The following SAMD4A variants were observed in gnomAD, a reference collection of about 807,000 sequenced individuals.
SAMD4A encodes protein Smaug homolog 1.
Under a neutral mutation model 81.3 loss-of-function variants are expected in SAMD4A, and 33 were observed. That is an observed-to-expected ratio of 0.41 (90% CI 0.31 to 0.54). The LOEUF is 0.54. SAMD4A is among the 20% of genes least tolerant of loss of function. SAMD4A has a pLI of 0.37. For synonymous variants in SAMD4A, 389 were observed against 382.1 expected (o/e 1.02, Z -0.21); for missense variants, 854 against 951.1 (o/e 0.90, Z 1.34).
intron 9 of SAMD4A, among the ~76,000 whole-genome samples, chr14:54,770,519 G>C (rs1185771696): frequency 6.6e-6 from 1 of 152,228 alleles, no homozygotes; most frequent in Non-Finnish European, 1.5e-5. Context: ...AACAAATGCA[G>C]GCAAAACACA....
chr14:54,610,465 A>G (rs765708254), intron 2 of SAMD4A, among the ~76,000 whole-genome samples: 3 of 152,206 alleles, frequency 2.0e-5, no homozygotes, highest in Non-Finnish European at 4.4e-5. Flanking sequence ...ATGGGCTGAC[A>G]CCAGCTCTTA....
At chr14:54,763,004 G>A (rs953486632) in intron 7 of SAMD4A, among the ~76,000 whole-genome samples, 14 of 151,792 alleles carry the variant, frequency 9.2e-5, no homozygotes, top group Admixed American at 8.5e-4. Flanking sequence ...ACAGGCGCCC[G>A]CCACCACGCC....
intron 6 of SAMD4A, among the ~76,000 whole-genome samples, chr14:54,753,989 G>A (rs969333093): frequency 1.3e-5 from 2 of 152,184 alleles, no homozygotes; most frequent in South Asian, 4.1e-4. Context: ...TTTTGCATAA[G>A]GATTTCATTG....
chr14:54,639,412 C>T (rs2035113863), intron 2 of SAMD4A, among the ~76,000 whole-genome samples: 1 of 152,196 alleles, frequency 6.6e-6, no homozygotes, highest in Non-Finnish European at 1.5e-5. Flanking sequence ...AAATGCCTTG[C>T]TCTCATCTAA....
chr14:54,609,257 GC>G (rs2034296490), intron 2 of SAMD4A, among the ~76,000 whole-genome samples: 1 of 152,216 alleles, frequency 6.6e-6, no homozygotes, highest in Non-Finnish European at 1.5e-5. Context: ...GAAATACTCA[GC>G]CAGCCACTGC....
intron 2 of SAMD4A, chr14:54,701,079 G>A: frequency 6.7e-6 from 1 of 149,494 alleles, no homozygotes; most frequent in Non-Finnish European, 1.5e-5. Context: ...GCTCACTGCA[G>A]CCTCGACCTC....
At position 54,793,040 on chromosome 14, in the gene SAMD4A, T is replaced by A. The variant is rs890705541; in HGVS notation, c.*4096T>A. 2.6e-5 allele frequency: 4 copies of A among 152,232 alleles called. No homozygotes were observed. Among genetic ancestry groups the A allele is most frequent in the African/African-American group, 4.8e-5 (2 of 41,470 alleles). 9.4% of individuals were successfully genotyped at this position (152,232 alleles called of 1,614,324 possible). A position where few individuals can be genotyped will look rare whatever the true frequency, so the allele number is the denominator to read the frequency against. The stretch of plus-strand genomic sequence containing the variant: ...TTGCCTAGTTCATGTTGCCAAGCAA[T>A]GCATATTTTTTAAATTTGTCATATA... On this transcript the variant is annotated 3_prime_UTR_variant, in exon 13 of 13. Transcript: ENST00000554335.
chr14:54,664,810 AACACACACACACAC>A lies in SAMD4A; in HGVS notation c.197-37225_197-37212del, dbSNP rs140875623. Among the ~76,000 whole-genome samples, 859 of 141,762 alleles carry A rather than the reference AACACACACACACAC, an allele frequency of 6.1e-3. 3 individuals carry two copies. The highest frequency in any genetic ancestry group is 0.013 in the African/African-American group (510 of 38,750). 93.0% of individuals were successfully genotyped at this position (141,762 alleles called of 152,430 possible). On this transcript the variant is annotated intron_variant, in intron 2 of 12. Transcript: ENST00000554335. Reference sequence around the variant, plus strand: ...TAAATATGTTTAATTATGTGAATCCAACACACACACACACACACACACACACACACACACACACA... The same window carrying A: ...TAAATATGTTTAATTATGTGAATCCAACACACACACACACACACACACACA...
At chr14:54,783,128 A>G (rs1439341645) in intron 11 of SAMD4A, among the ~76,000 whole-genome samples, 4 of 150,964 alleles carry the variant, frequency 2.6e-5, no homozygotes, top group African/African-American at 4.9e-5. Flanking sequence ...GGATTTTGCA[A>G]TTCTTTTCAA....
intron 12 of SAMD4A, among the ~76,000 whole-genome samples, chr14:54,787,130 G>A (rs2039161419): frequency 6.6e-6 from 1 of 152,174 alleles, no homozygotes; most frequent in East Asian, 1.9e-4. Context: ...AACGGGCAGG[G>A]AGAGGAAAGC....
At chr14:54,768,179 G>A (rs1486994440) in intron 8 of SAMD4A, among the ~76,000 whole-genome samples, 2 of 152,182 alleles carry the variant, frequency 1.3e-5, no homozygotes, top group Non-Finnish European at 1.5e-5. Context: ...GTCATTTGCT[G>A]TGTGCTATTG....
intron 11 of SAMD4A, among the ~76,000 whole-genome samples, chr14:54,782,634 G>A (rs973275168): frequency 1.3e-5 from 2 of 152,154 alleles, no homozygotes; most frequent in African/African-American, 2.4e-5. Flanking sequence ...CATCGATGCC[G>A]GAACATGGGT....
At chr14:54,648,665 A>G (rs898955900) in intron 2 of SAMD4A, among the ~76,000 whole-genome samples, 1 of 152,160 alleles carries the variant, frequency 6.6e-6, no homozygotes, top group Admixed American at 6.5e-5. Context: ...GTGGTAGGAA[A>G]TGAAGTTGGA....
intron 2 of SAMD4A, among the ~76,000 whole-genome samples, chr14:54,678,474 T>TAGGTCAG (rs2036043785): frequency 2.0e-4 from 14 of 68,906 alleles, no homozygotes; most frequent in Non-Finnish European, 2.7e-4. Context: ...TGTGTGTGTG[T>TAGGTCAG]GTGTGTGTGT....
chr14:54,598,875 C>T (rs1300375065), intron 2 of SAMD4A, among the ~76,000 whole-genome samples: 1 of 151,842 alleles, frequency 6.6e-6, no homozygotes, highest in African/African-American at 2.4e-5. Context: ...GGCTGGAGTA[C>T]AGTGGTGTGA....
At chr14:54,755,341 C>T (rs2038210288) in intron 6 of SAMD4A, among the ~76,000 whole-genome samples, 1 of 151,994 alleles carries the variant, frequency 6.6e-6, no homozygotes, top group African/African-American at 2.4e-5. Flanking sequence ...AGTCAGTGGC[C>T]GGAAGAGCAG....
At chr14:54,709,581 G>A (rs1429483983) in intron 3 of SAMD4A, among the ~76,000 whole-genome samples, 1 of 152,070 alleles carries the variant, frequency 6.6e-6, no homozygotes, top group African/African-American at 2.4e-5. Flanking sequence ...CACTTCAAAA[G>A]AAAGAGAAGA....
intron 11 of SAMD4A, among the ~76,000 whole-genome samples, chr14:54,777,181 G>A (rs1295445078): frequency 6.6e-6 from 1 of 152,132 alleles, no homozygotes; most frequent in African/African-American, 2.4e-5. Context: ...CAATTACACT[G>A]CACCTATCTG....
intron 2 of SAMD4A, among the ~76,000 whole-genome samples, chr14:54,650,491 G>A (rs2035380418): frequency 6.6e-6 from 1 of 152,116 alleles, no homozygotes; most frequent in Non-Finnish European, 1.5e-5. Context: ...CAGCTCCTGC[G>A]ACTGGACTGT....
Sources: gnomAD v4.1 joint callset for allele counts (sites outside exome capture counted in the v4.1 genomes callset) on GRCh38, gnomAD v4.1.1 for gene constraint, MANE v1.5 for transcripts, NCBI Gene and HGNC (gene_info 2026-07-23, HGNC 2026-07-21) for gene names.